PITPNM2: variants seen among roughly 807,000 people sequenced by gnomAD.
The protein encoded by PITPNM2 is membrane-associated phosphatidylinositol transfer protein 2.
PITPNM2 carries 35 observed loss-of-function variants against 132.2 expected under a neutral mutation model. That is an observed-to-expected ratio of 0.26 (90% CI 0.20 to 0.35). The LOEUF is 0.35. Among genes scored for constraint, PITPNM2 ranks in the 10% least tolerant of loss-of-function variants. The pLI is 1.00. For missense variants in PITPNM2, 1,332 were observed against 1,912.0 expected (o/e 0.70, Z 5.66); for synonymous variants, 738 against 799.2 (o/e 0.92, Z 1.29).
In PITPNM2 at chr12:122,988,739, G is replaced by A. The variant is rs1421743421; in HGVS notation, c.2865C>T (p.Ser955=). The A allele has an allele frequency of 1.3e-6, 2 of 1,564,758 alleles. No homozygotes were observed. Among genetic ancestry groups the A allele is most frequent in the Non-Finnish European group, 1.7e-6 (2 of 1,154,402 alleles). Residue 955 remains serine (S), a synonymous_variant, in exon 19 of 26, where the codon TCC becomes TCT. Coordinates refer to ENST00000320201, the MANE Select transcript of PITPNM2 (RefSeq NM_020845.3). ...ASYWESTDVV[S]FLLRQVMRHD... is the part of the protein sequence containing the mutation. ...CCCCGGGTACCTGTCTCAGCAGAAAGGAGACCACGTCTGTTGACTCCCAGT... is the reference window on the plus strand; with the variant it reads ...CCCCGGGTACCTGTCTCAGCAGAAAAGAGACCACGTCTGTTGACTCCCAGT...
At position 122,986,691 on chromosome 12, in the gene PITPNM2, G is replaced by A; in HGVS notation, c.3552C>T (p.Asp1184=). 1 of 1,613,504 alleles carries A rather than the reference G, an allele frequency of 6.2e-7. No homozygotes were observed. The highest frequency in any genetic ancestry group is 8.5e-7 in the Non-Finnish European group (1 of 1,179,996). ...GGAAGTTGGCCTTGTGCCGCAGCGG[G>A]TCATGCACCAGGCCGTCACAGAAGG... The part of the protein sequence containing the change: ...VVSFCDGLVH[D]PLRHKANFLK... The change falls in exon 24 of 26, where the codon GAC becomes GAT. Residue 1184 remains aspartate, a synonymous_variant. Transcript: ENST00000320201.
At chr12:123,057,363 A>G (rs1378397256) in intron 2 of PITPNM2, among the ~76,000 whole-genome samples, 2 of 151,196 alleles carry the variant, frequency 1.3e-5, no homozygotes, top group Admixed American at 1.3e-4. Flanking sequence ...CTGGGCAACA[A>G]GAGCAAAACT....
rs11061166 is a variant in PITPNM2, at chr12:122,985,360, C to T, written c.*667G>A. 0.011 allele frequency: 1,659 copies of T among 152,484 alleles called. 35 individuals are homozygous for T. The highest frequency in any genetic ancestry group is 0.056 in the South Asian group (269 of 4,812). 9.4% of individuals were successfully genotyped at this position (152,484 alleles called of 1,614,324 possible). A position where few individuals can be genotyped will look rare whatever the true frequency, so the allele number is the denominator to read the frequency against. ...AAACAACACTGGCCTGGGCTCCAGG[C>T]GGGGCAGGCAGACAGGTGGGCAGGG... On this transcript the variant is annotated 3_prime_UTR_variant, in exon 26 of 26. Transcript: ENST00000320201.
At chr12:123,093,482 A>G (rs1373252044) in intron 2 of PITPNM2, among the ~76,000 whole-genome samples, 13 of 151,902 alleles carry the variant, frequency 8.6e-5, no homozygotes, top group African/African-American at 2.2e-4. Flanking sequence ...ACACACACAC[A>G]CGCGCACACA....
At chr12:122,988,597 A>G (rs1463498536) in intron 19 of PITPNM2, 127 bp downstream of exon 19, 1 of 1,053,338 alleles carries the variant, frequency 9.5e-7, no homozygotes, top group Admixed American at 2.7e-5. Flanking sequence ...AGGTGCCCTC[A>G]TCTTGCTTGC....
intron 2 of PITPNM2, among the ~76,000 whole-genome samples, chr12:123,051,399 G>A (rs769465955): frequency 6.6e-6 from 1 of 152,168 alleles, no homozygotes; most frequent in Non-Finnish European, 1.5e-5. Flanking sequence ...CTTTCTCCAC[G>A]TATGTGTCTT....
chr12:123,030,629 C>G (rs538731110), intron 3 of PITPNM2, among the ~76,000 whole-genome samples: 1 of 151,544 alleles, frequency 6.6e-6, no homozygotes, highest in East Asian at 1.9e-4. Flanking sequence ...GGAGGCGGAG[C>G]TTGCAGTGAG....
Position 123,083,639 on chromosome 12 carries a change from T to C in PITPNM2, c.-96+26746A>G, listed in dbSNP as rs12306711. On this transcript the variant is annotated intron_variant, in intron 2 of 25. Transcript: ENST00000320201. The surrounding 1 kb of genome is among the most constrained non-coding windows in gnomAD (Gnocchi z 4.5). ...ATGGGTAGATGAGAGTCCCCAGCCA[T>C]GGAGGTGACAATGTGCCCTGGAGCC... The C allele has an allele frequency of 0.011, 1,679 of 152,342 alleles. 38 individuals are homozygous for C. The highest frequency in any genetic ancestry group is 0.062 in the South Asian group (298 of 4,814). The allele number at this position is 152,342 out of a possible 1,614,324, so 9.4% of individuals were successfully genotyped here.
rs779720700 is a variant in PITPNM2, at chr12:122,987,664, G to A, written c.3115-5C>T. ...GGTCATGATGTGCACATCCACCTGG[G>A]CCCAGCAGGCTGGTCACGGGCTGGC... On this transcript the variant is annotated splice_polypyrimidine_tract_variant and splice_region_variant and intron_variant, in intron 21 of 25. Coordinates refer to ENST00000320201, the MANE Select transcript of PITPNM2 (RefSeq NM_020845.3). 2 of 1,611,910 alleles carry A rather than the reference G, an allele frequency of 1.2e-6. No homozygotes were observed. The highest frequency in any genetic ancestry group is 1.7e-6 in the Non-Finnish European group (2 of 1,178,870).
intron 2 of PITPNM2, among the ~76,000 whole-genome samples, chr12:123,068,201 C>T (rs554405430): frequency 4.0e-5 from 2 of 49,688 alleles, no homozygotes; most frequent in East Asian, 9.1e-4. Flanking sequence ...GGCACGGTGG[C>T]TCACGCCTGT....
intron 1 of PITPNM2, among the ~76,000 whole-genome samples, chr12:123,112,045 G>A (rs1178132559): frequency 6.6e-6 from 1 of 152,156 alleles, no homozygotes; most frequent in African/African-American, 2.4e-5. Flanking sequence ...GGGCAGTGGT[G>A]ACTCACACCC....
intron 23 of PITPNM2, 42 bp downstream of exon 23, chr12:122,987,239 C>G: frequency 6.2e-7 from 1 of 1,602,022 alleles, no homozygotes; most frequent in Middle Eastern, 2.3e-4. Context: ...CTGAGCCCAC[C>G]CACCTTGCTA....
At chr12:123,063,722 T>G (rs2041323077) in intron 2 of PITPNM2, among the ~76,000 whole-genome samples, 1 of 152,094 alleles carries the variant, frequency 6.6e-6, no homozygotes, top group Non-Finnish European at 1.5e-5. Flanking sequence ...CAGGGACCCC[T>G]GGAGGAGGGG....
Position 123,097,830 on chromosome 12 carries a change from C to T in PITPNM2, c.-96+12555G>A, listed in dbSNP as rs1157038430. Among the ~76,000 whole-genome samples the T allele has an allele frequency of 6.6e-6, 1 of 152,262 alleles. No homozygotes were observed. The highest frequency in any genetic ancestry group is 1.5e-5 in the Non-Finnish European group (1 of 68,058). ...GGGCTGACCTCGCCCCTACATCTGC[C>T]ACTTGGCAGTGGGTATGAGGAACAG... On this transcript the variant is annotated intron_variant, in intron 2 of 25. Transcript: ENST00000320201. This position sits in a 1 kb window ranked among gnomAD's most constrained non-coding sequence, Gnocchi z 4.7.
Position 122,987,815 on chromosome 12 carries a change from G to A in PITPNM2, c.3084C>T (p.Pro1028=), listed in dbSNP as rs769943869. ...QVLTGRFMYG[P]LDMVTLTGEK... ...CCCCAGTCAGGGTGACCATGTCCAG[G>A]GGCCCATACATGAACCTGCCCGTCA... Residue 1028 remains proline, a synonymous_variant, in exon 21 of 26, where the codon CCC becomes CCT. Transcript: ENST00000320201. 6.2e-7 allele frequency: 1 copy of A among 1,614,008 alleles called. No individual in the cohort carries two copies. Among genetic ancestry groups the A allele is most frequent in the African/African-American group, 1.3e-5 (1 of 75,046 alleles).
intron 1 of PITPNM2, among the ~76,000 whole-genome samples, chr12:123,128,518 C>T (rs938293851): frequency 6.7e-6 from 1 of 149,566 alleles, no homozygotes; most frequent in African/African-American, 2.5e-5. Flanking sequence ...CTTTGGGAGG[C>T]TGAGGGGGGC....
At chr12:122,988,971 C>T in intron 18 of PITPNM2, 99 bp from the exon 19 acceptor site, 1 of 1,293,826 alleles carries the variant, frequency 7.7e-7, no homozygotes, top group Non-Finnish European at 1.0e-6. Flanking sequence ...CCAGCACAGT[C>T]CCCCCACCAG....
At chr12:123,072,855 T>C (rs554863653) in intron 2 of PITPNM2, among the ~76,000 whole-genome samples, 2 of 152,312 alleles carry the variant, frequency 1.3e-5, no homozygotes, top group African/African-American at 4.8e-5. Context: ...CACCTGGAGC[T>C]CTGGAAGAAG....
At chr12:123,123,932 C>A (rs529440625) in intron 1 of PITPNM2, among the ~76,000 whole-genome samples, 1 of 144,388 alleles carries the variant, frequency 6.9e-6, no homozygotes, top group East Asian at 2.1e-4. Flanking sequence ...CAAGATTCTG[C>A]CTCAAAAAAA....
Sources: gnomAD v4.1 joint callset for allele counts (sites outside exome capture counted in the v4.1 genomes callset) on GRCh38, gnomAD v4.1.1 for gene constraint, Gnocchi (gnomAD v3.1) non-coding constraint, MANE v1.5 for transcripts, NCBI Gene and HGNC (gene_info 2026-07-23, HGNC 2026-07-21) for gene names.